TBCD: variants seen among roughly 807,000 people sequenced by gnomAD.
The protein encoded by TBCD is tubulin-specific chaperone D.
In TBCD, 105 loss-of-function variants were observed where a neutral mutation model predicts 169.3. The ratio of observed to expected loss-of-function variants is 0.62; its 90% CI spans 0.53 to 0.73. The LOEUF (loss-of-function observed/expected upper bound fraction) is 0.73, where lower values mean the gene tolerates loss of function less well. TBCD is among the 30% of genes least tolerant of loss of function. The probability of loss-of-function intolerance (pLI) is 0.00; values close to 1 mark genes in which losing one functional copy is unlikely to be tolerated. For missense variants in TBCD, 1,444 were observed against 1,600.1 expected, an observed-to-expected ratio of 0.90 and a Z score of 1.66; for synonymous variants, 700 against 643.9, an observed-to-expected ratio of 1.09 and a Z score of -1.32.
chr17:82,828,192 C>G (rs532860626), intron 13 of TBCD, among the ~76,000 whole-genome samples: 2 of 147,390 alleles, frequency 1.4e-5, no homozygotes, highest in Non-Finnish European at 3.0e-5. Flanking sequence ...TGCACACACC[C>G]GCAGATATGC....
Position 82,920,546 on chromosome 17 carries a change from T to C in TBCD, c.2039-10T>C, listed in dbSNP as rs781584274. 2 of 1,533,532 alleles carry C rather than the reference T, an allele frequency of 1.3e-6. No individual in the cohort carries two copies. Among genetic ancestry groups the C allele is most frequent in the African/African-American group, 1.4e-5 (1 of 71,398 alleles). The allele number at this position is 1,533,532 out of a possible 1,614,324, so 95.0% of individuals were successfully genotyped here. On this transcript the variant is annotated splice_polypyrimidine_tract_variant and intron_variant, in intron 23 of 38. Coordinates refer to ENST00000355528, the MANE Select transcript of TBCD (RefSeq NM_005993.5). The surrounding 1 kb of genome is among the most constrained non-coding windows in gnomAD (Gnocchi z 4.1). ...AACATTGCGTCTATCCTTTTTTTTTTTTTTTCCAGTGTGTGTTTTAATAGA... is the reference window on the plus strand; with the variant it reads ...AACATTGCGTCTATCCTTTTTTTTTCTTTTTCCAGTGTGTGTTTTAATAGA...
chr17:82,756,306 C>T (rs1346750081), intron 2 of TBCD, 91 bp downstream of exon 2: 4 of 1,332,586 alleles, frequency 3.0e-6, no homozygotes, highest in Middle Eastern at 3.6e-4. Flanking sequence ...TGTGCTTTGC[C>T]AGGATCAAAT....
At chr17:82,938,248 C>CTGG (rs1318786695) in intron 36 of TBCD, 112 bp downstream of exon 36, 4 of 1,210,018 alleles carry the variant, frequency 3.3e-6, no homozygotes, top group Non-Finnish European at 4.7e-6. Flanking sequence ...CCGAGCCCCT[C>CTGG]TCGTTAACGC....
At chr17:82,809,603 G>C in intron 11 of TBCD, 105 bp from the exon 12 acceptor site, 1 of 1,253,646 alleles carries the variant, frequency 8.0e-7, no homozygotes, top group Non-Finnish European at 1.1e-6. Context: ...TTCTCTCCTG[G>C]TCTCTGGAGG....
chr17:82,764,791 T>C (rs2047943423), intron 3 of TBCD, among the ~76,000 whole-genome samples: 1 of 145,262 alleles, frequency 6.9e-6, no homozygotes, highest in Non-Finnish European at 1.5e-5. Context: ...ATAGTCTGCT[T>C]TTCTTACAAG....
chr17:82,880,248 A>C lies in TBCD; in HGVS notation c.1476-3897A>C, dbSNP rs1049181246. Among the ~76,000 whole-genome samples the C allele has an allele frequency of 8.5e-5, 13 of 152,248 alleles. No individual in the cohort carries two copies. Among genetic ancestry groups the C allele is most frequent in the African/African-American group, 2.9e-4 (12 of 41,558 alleles). On this transcript the variant is annotated intron_variant, in intron 14 of 38. Transcript: ENST00000355528. This position sits in a 1 kb window ranked among gnomAD's most constrained non-coding sequence, Gnocchi z 5.0. ...AGACTGTACTCAAATTCCTGGGCTC[A>C]AGGGATCCTCCTGCCTCTGCCTCCC... is the stretch of plus-strand genomic sequence containing the variant.
intron 14 of TBCD, among the ~76,000 whole-genome samples, chr17:82,883,383 T>C (rs753498162): frequency 1.2e-4 from 19 of 152,394 alleles, no homozygotes; most frequent in Admixed American, 6.5e-4. Context: ...ACCCCCTGTG[T>C]TCTGTGCAAC....
chr17:82,907,984 G>A (rs995900109), intron 21 of TBCD, among the ~76,000 whole-genome samples, 163 bp downstream of exon 21: 6 of 152,226 alleles, frequency 3.9e-5, no homozygotes, highest in Non-Finnish European at 8.8e-5. Context: ...CTGGGAACAG[G>A]CTCTCTGCTG....
chr17:82,827,678 C>T (rs2052986163), intron 13 of TBCD, among the ~76,000 whole-genome samples: 1 of 152,190 alleles, frequency 6.6e-6, no homozygotes, highest in Non-Finnish European at 1.5e-5. Context: ...ATGTGCACAA[C>T]TACCCCCACA....
chr17:82,805,775 A>G (rs1427638908), intron 9 of TBCD, 100 bp from the exon 10 acceptor site: 2 of 1,403,252 alleles, frequency 1.4e-6, no homozygotes, highest in Admixed American at 2.0e-5. Context: ...GAATTTTCAC[A>G]GGCACGCTTT....
rs1252259283 is a variant in TBCD at position 82,945,365 on chromosome 17, TCC to T, written c.*2905_*2906del. ...GATATTCCATACTGACATGCAACAG[TCC>T]CCAGATACAGAAGCCTAACAGTCTC... On this transcript the variant is annotated 3_prime_UTR_variant, in exon 39 of 39. Coordinates refer to ENST00000355528, the MANE Select transcript of TBCD (RefSeq NM_005993.5). The T allele has an allele frequency of 2.0e-5, 3 of 152,086 alleles. No individual in the cohort carries two copies. The highest frequency in any genetic ancestry group is 7.2e-5 in the African/African-American group (3 of 41,412). 9.4% of individuals were successfully genotyped at this position (152,086 alleles called of 1,614,324 possible).
chr17:82,872,338 G>A (rs938372139), intron 14 of TBCD, among the ~76,000 whole-genome samples: 2 of 152,258 alleles, frequency 1.3e-5, no homozygotes, highest in Non-Finnish European at 2.9e-5. Flanking sequence ...GAGAGCGGCT[G>A]TGGCCTCTGT....
chr17:82,784,460 G>T (rs558466007), intron 7 of TBCD, among the ~76,000 whole-genome samples: 9 of 152,192 alleles, frequency 5.9e-5, no homozygotes, highest in African/African-American at 2.2e-4. Context: ...AAGGGTACGG[G>T]GGTGGAGGGG....
At chr17:82,781,396 C>T (rs1305243620) in intron 6 of TBCD, among the ~76,000 whole-genome samples, 193 bp from the exon 7 acceptor site, 1 of 151,052 alleles carries the variant, frequency 6.6e-6, no homozygotes, top group Non-Finnish European at 1.5e-5. Flanking sequence ...GTCAGGGCAG[C>T]GACTTGGTTT....
At chr17:82,870,614 T>G (rs1280691858) in intron 14 of TBCD, among the ~76,000 whole-genome samples, 1 of 151,276 alleles carries the variant, frequency 6.6e-6, no homozygotes, top group Non-Finnish European at 1.5e-5. Context: ...CTGCAGGCAG[T>G]GGATTCTTGG....
chr17:82,868,937 G>T, intron 13 of TBCD, among the ~76,000 whole-genome samples: 1 of 152,200 alleles, frequency 6.6e-6, no homozygotes, highest in African/African-American at 2.4e-5. Context: ...ACGAGACCCT[G>T]GCGTGTGCGT....
rs964456025 is a variant in TBCD, at chr17:82,884,416, C to G, written c.1533+214C>G. ...GAAGGGCGGTCAGGGTTAAGCATCC[C>G]CAGAGCTGCAGCCATCACTGCTGGG... On this transcript the variant is annotated intron_variant, in intron 15 of 38. Coordinates refer to ENST00000355528, the MANE Select transcript of TBCD (RefSeq NM_005993.5). The surrounding 1 kb of genome is among the most constrained non-coding windows in gnomAD (Gnocchi z 4.2). 3.3e-5 allele frequency among the ~76,000 whole-genome samples: 5 copies of G among 152,176 alleles called. No homozygotes were observed. Among genetic ancestry groups the G allele is most frequent in the African/African-American group, 1.2e-4 (5 of 41,436 alleles).
At chr17:82,779,664 C>T (rs2048817663) in intron 6 of TBCD, among the ~76,000 whole-genome samples, 1 of 152,184 alleles carries the variant, frequency 6.6e-6, no homozygotes, top group Non-Finnish European at 1.5e-5. Flanking sequence ...GGGCTTGTCC[C>T]CACGGAAGCA....
intron 3 of TBCD, among the ~76,000 whole-genome samples, chr17:82,764,394 C>T (rs2047921334): frequency 6.6e-6 from 1 of 152,174 alleles, no homozygotes; most frequent in Non-Finnish European, 1.5e-5. Flanking sequence ...CCTGTAATCC[C>T]AGCACTTTGG....
Sources: allele counts gnomAD v4.1 joint callset (sites outside exome capture counted in the v4.1 genomes callset), GRCh38; gene constraint gnomAD v4.1.1; non-coding constraint Gnocchi (gnomAD v3.1); transcripts MANE v1.5; gene names NCBI Gene and HGNC (gene_info 2026-07-23, HGNC 2026-07-21).